Variants in TRMT13 observed in about 807,000 individuals in gnomAD.
The protein encoded by TRMT13 is tRNA methyltransferase 13.
A neutral mutation model predicts 55.9 loss-of-function variants in TRMT13; 45 were observed. That is an observed-to-expected ratio of 0.80 (90% confidence interval 0.63 to 1.03). TRMT13 has a LOEUF of 1.03. TRMT13 is among the 50% of genes least tolerant of loss of function. TRMT13 has a pLI of 0.00. For missense variants in TRMT13, 513 were observed against 563.9 expected (o/e 0.91, Z 0.91); for synonymous variants, 183 against 196.3 (o/e 0.93, Z 0.57).
At position 100,149,125 on chromosome 1, in the gene TRMT13, T is replaced by C; in HGVS notation, c.*305T>C. ...GAAACATACATAACATGTCAACACA[T>C]AATTAGCGTATTTCTGTTTGTATTA... On this transcript the variant is annotated 3_prime_UTR_variant, in exon 11 of 11. Coordinates refer to ENST00000370141, the MANE Select transcript of TRMT13 (RefSeq NM_019083.3). 4 of 1,579,772 alleles carry C rather than the reference T, an allele frequency of 2.5e-6. No homozygotes were observed. Among genetic ancestry groups the C allele is most frequent in the Non-Finnish European group, 3.4e-6 (4 of 1,169,794 alleles).
Position 100,133,326 on chromosome 1 carries a change from G to A in TRMT13, c.147+11G>A. ...GCTGGAGCCGCGGAGGTGTGGTATC[G>A]CCCTACTCTCTCAAGAGTCGGAAAT... On this transcript the variant is annotated intron_variant, in intron 1 of 10. Coordinates refer to ENST00000370141, the MANE Select transcript of TRMT13 (RefSeq NM_019083.3). 3 of 1,613,422 alleles carry A rather than the reference G, an allele frequency of 1.9e-6. No individual in the cohort carries two copies. Among genetic ancestry groups the A allele is most frequent in the Non-Finnish European group, 2.5e-6 (3 of 1,179,676 alleles).
intron 3 of TRMT13, 112 bp downstream of exon 3, chr1:100,137,197 TATA>T (rs1655991747): frequency 1.1e-6 from 1 of 937,906 alleles, no homozygotes; most frequent in Admixed American, 2.6e-5. Flanking sequence ...GCTCAGGAAA[TATA>T]ATTTTTTTTT....
chr1:100,141,040 G>A, intron 7 of TRMT13, 21 bp downstream of exon 7: 1 of 1,554,336 alleles, frequency 6.4e-7, no homozygotes, highest in African/African-American at 1.4e-5. Flanking sequence ...CCATTGCTCT[G>A]TGTTAGTAAC....
chr1:100,137,074 A>C lies in TRMT13; in HGVS notation c.250A>C (p.Lys84Gln), dbSNP rs1196791112. 5 of 1,612,220 alleles carry C rather than the reference A, an allele frequency of 3.1e-6. No individual in the cohort carries two copies. In the African/African-American group the frequency reaches 5.3e-5, roughly 17 times the overall value. Residue 84 changes from lysine (K) to glutamine (Q), a missense_variant, in exon 3 of 11, where the codon AAA (lysine) becomes CAA (glutamine). Transcript: ENST00000370141. ...TTTGAAAAAATGTAACTCAAGAGAG[A>C]AACCAAAACCTGTAAGTGTTTGATC... ...KHLKKCNSRE[K>Q]PKPDFYIQDI...
In TRMT13 at chr1:100,148,996, A is replaced by T. The variant is rs754813885; in HGVS notation, c.*176A>T. On this transcript the variant is annotated 3_prime_UTR_variant, in exon 11 of 11. Coordinates refer to ENST00000370141, the MANE Select transcript of TRMT13 (RefSeq NM_019083.3). ...TTTACTTCAGAAATCCAAACATTAG[A>T]GAATTCACCAAAGTAATCCTCTTTA... 3.4e-6 allele frequency: 5 copies of T among 1,465,156 alleles called. No individual in the cohort carries two copies. In the Admixed American group the frequency reaches 1.2e-4, roughly 36 times the overall value. 90.8% of individuals were successfully genotyped at this position (1,465,156 alleles called of 1,614,324 possible).
Position 100,141,008 on chromosome 1 carries a change from A to C in TRMT13, c.658A>C (p.Thr220Pro), listed in dbSNP as rs765141854. 1.7e-5 allele frequency: 27 copies of C among 1,611,916 alleles called. No homozygotes were observed. The highest frequency in any genetic ancestry group is 3.4e-5 in the Admixed American group (2 of 59,700). ...CTTCATCCTAGTGGAAAAGGTGACC[A>C]CAAGATTCAAGGTAAGTGAAACCAT... ...VHFILVEKVTTRFKVDGKHRK... is the reference protein window; with the variant it reads ...VHFILVEKVTPRFKVDGKHRK... Residue 220 changes from threonine to proline, a missense_variant, in exon 7 of 11, where the codon ACA becomes CCA. This residue lies in a region of TRMT13 where 298 missense variants were observed against 290.3 expected (regional missense o/e 1.03). Coordinates refer to ENST00000370141, the MANE Select transcript of TRMT13 (RefSeq NM_019083.3).
rs200601638 is a variant in TRMT13, at chr1:100,133,187, T to C, written c.19T>C (p.Ser7Pro). 4 of 1,614,148 alleles carry C rather than the reference T, an allele frequency of 2.5e-6. No individual in the cohort carries two copies. The highest frequency in any genetic ancestry group is 3.4e-6 in the Non-Finnish European group (4 of 1,180,030). ...TAGAATTATGGCGACCTCCGCGACG[T>C]CGCCGCACGCGCCTGGTTTTCCAGC... MATSAT[S>P]PHAPGFPAEG... Residue 7 changes from serine to proline, a missense_variant, in exon 1 of 11, where the codon TCG becomes CCG. By Grantham distance (74) the Ser-to-Pro change is moderately conservative. Coordinates refer to ENST00000370141, the MANE Select transcript of TRMT13 (RefSeq NM_019083.3).
At chr1:100,137,921 A>G (rs914966790) in intron 3 of TRMT13, among the ~76,000 whole-genome samples, 1 of 152,226 alleles carries the variant, frequency 6.6e-6, no homozygotes, top group African/African-American at 2.4e-5. Flanking sequence ...TAGCCCCTTT[A>G]ATAGAAAGAG....
At chr1:100,142,033 G>A (rs1479818340) in intron 7 of TRMT13, among the ~76,000 whole-genome samples, 1 of 152,226 alleles carries the variant, frequency 6.6e-6, no homozygotes, top group Non-Finnish European at 1.5e-5. Context: ...TGACTATGCT[G>A]CTGTCTGGTG....
intron 9 of TRMT13, among the ~76,000 whole-genome samples, chr1:100,145,125 G>T (rs1225282986): frequency 1.3e-5 from 2 of 152,122 alleles, no homozygotes; most frequent in East Asian, 3.9e-4. Context: ...TGCTGTACAG[G>T]TTTGTAGCTT....
intron 3 of TRMT13, among the ~76,000 whole-genome samples, 181 bp from the exon 4 acceptor site, chr1:100,139,468 A>G (rs926001548): frequency 1.3e-5 from 2 of 152,180 alleles, no homozygotes; most frequent in African/African-American, 4.8e-5. Flanking sequence ...TGGAGTGCCC[A>G]ATACCTAAAG....
intron 6 of TRMT13, 86 bp downstream of exon 6, chr1:100,140,600 T>G: frequency 8.9e-7 from 1 of 1,125,360 alleles, no homozygotes; most frequent in Admixed American, 2.1e-5. Flanking sequence ...TAAGATTTTA[T>G]TTTGTTTACC....
intron 10 of TRMT13, 52 bp downstream of exon 10, chr1:100,148,378 T>C: frequency 6.7e-7 from 1 of 1,501,078 alleles, no homozygotes; most frequent in Non-Finnish European, 9.0e-7. Context: ...TATTATATTG[T>C]ACTGTACTTT....
chr1:100,147,837 AAG>A (rs1367886784), intron 9 of TRMT13, 55 bp from the exon 10 acceptor site: 1 of 1,475,734 alleles, frequency 6.8e-7, no homozygotes, highest in Non-Finnish European at 9.0e-7. Flanking sequence ...TAAATGTAAA[AAG>A]TATTTATTTT....
At chr1:100,147,315 ATGTT>A (rs1427217547) in intron 9 of TRMT13, among the ~76,000 whole-genome samples, 4 of 152,216 alleles carry the variant, frequency 2.6e-5, no homozygotes, top group Non-Finnish European at 5.9e-5. Context: ...CATTCAGTAA[ATGTT>A]TGTTAAATAA....
At chr1:100,144,277 C>T (rs2101738092) in intron 9 of TRMT13, 134 bp downstream of exon 9, 1 of 640,602 alleles carries the variant, frequency 1.6e-6, no homozygotes, top group South Asian at 2.1e-5. Context: ...AGCACTGGCC[C>T]TGTGCTTTAT....
At chr1:100,144,377 G>T in intron 9 of TRMT13, 1 of 350,104 alleles carries the variant, frequency 2.9e-6, no homozygotes. Context: ...CATCACATTA[G>T]ACCTTAAAGT....
chr1:100,148,004 A>C lies in TRMT13; in HGVS notation c.928A>C (p.Thr310Pro). ...TGATAAAACAGAAAAAGAAATTTACACTTTGGCCAAGGAAGGAAATGAAAA... is the reference window on the plus strand; with the variant it reads ...TGATAAAACAGAAAAAGAAATTTACCCTTTGGCCAAGGAAGGAAATGAAAA... The part of the protein sequence containing the change: ...KNDKTEKEIY[T>P]LAKEGNEKNV... Residue 310 changes from threonine to proline, a missense_variant, in exon 10 of 11, where the codon ACT becomes CCT. Coordinates refer to ENST00000370141, the MANE Select transcript of TRMT13 (RefSeq NM_019083.3). The C allele has an allele frequency of 6.2e-7, 1 of 1,614,174 alleles. No individual in the cohort carries two copies. The highest frequency in any genetic ancestry group is 8.5e-7 in the Non-Finnish European group (1 of 1,180,032).
chr1:100,149,108 C>T lies in TRMT13; in HGVS notation c.*288C>T, dbSNP rs1366574217. 1.9e-6 allele frequency: 3 copies of T among 1,595,126 alleles called. No homozygotes were observed. Among genetic ancestry groups the T allele is most frequent in the Non-Finnish European group, 2.6e-6 (3 of 1,174,180 alleles). On this transcript the variant is annotated 3_prime_UTR_variant, in exon 11 of 11. Transcript: ENST00000370141. ...CGTTGACTTGGTGATCTGAAACATA[C>T]ATAACATGTCAACACATAATTAGCG...
Sources: gnomAD v4.1 joint callset for allele counts (sites outside exome capture counted in the v4.1 genomes callset) on GRCh38, gnomAD v4.1.1 for gene constraint, gnomAD v4.1.1 regional missense constraint, MANE v1.5 for transcripts, NCBI Gene and HGNC (gene_info 2026-07-23, HGNC 2026-07-21) for gene names.